SND1: variants seen among roughly 807,000 people sequenced by gnomAD.
The protein encoded by SND1 is staphylococcal nuclease domain-containing protein 1.
Under a neutral mutation model 121.7 loss-of-function variants are expected in SND1, and 38 were observed. That is an observed-to-expected ratio of 0.31 (90% CI 0.24 to 0.41). SND1 has a LOEUF of 0.41. Among genes scored for constraint, SND1 ranks in the 10% least tolerant of loss-of-function variants. SND1 has a pLI of 1.00. For missense variants in SND1, 868 were observed against 1,184.6 expected (o/e 0.73, Z 3.92); for synonymous variants, 401 against 447.4 (o/e 0.90, Z 1.31).
intron 16 of SND1, among the ~76,000 whole-genome samples, chr7:128,056,342 C>T (rs539077993): frequency 6.6e-6 from 1 of 152,214 alleles, no homozygotes; most frequent in African/African-American, 2.4e-5. Flanking sequence ...AATGAGCCAG[C>T]CTTTGCCCCA....
In SND1 at chr7:128,089,449, T is replaced by C. The variant is rs759174621; in HGVS notation, c.2419-40T>C. ...ACAGGAGCTGGGGCCCAAGTGGTTG[T>C]TCTCTGGCTTGCTCTGACCTGAGTG... On this transcript the variant is annotated intron_variant, in intron 21 of 23. Transcript: ENST00000354725. The C allele has an allele frequency of 1.9e-6, 3 of 1,568,108 alleles. No homozygotes were observed. In the African/African-American group the frequency reaches 4.0e-5, roughly 21 times the overall value.
intron 1 of SND1, among the ~76,000 whole-genome samples, chr7:127,685,326 C>T (rs1481507940): frequency 6.6e-6 from 1 of 152,170 alleles, no homozygotes; most frequent in Non-Finnish European, 1.5e-5. Context: ...AAGGATTATT[C>T]CTTTACTGAG....
chr7:127,672,237 T>C (rs1197551828), intron 1 of SND1, among the ~76,000 whole-genome samples: 1 of 152,138 alleles, frequency 6.6e-6, no homozygotes, highest in Non-Finnish European at 1.5e-5. Context: ...CATACTTTAA[T>C]ACTTCTAACT....
chr7:127,812,356 A>G (rs1026039919), intron 11 of SND1, among the ~76,000 whole-genome samples: 2 of 152,170 alleles, frequency 1.3e-5, no homozygotes, highest in Admixed American at 6.5e-5. Flanking sequence ...ACAGTATCTC[A>G]TTAGTCTTTG....
intron 1 of SND1, among the ~76,000 whole-genome samples, chr7:127,655,428 A>G (rs188142149): frequency 7.9e-5 from 12 of 152,324 alleles, no homozygotes; most frequent in Admixed American, 7.8e-4. Context: ...GTTCTGGAAT[A>G]TTTAAGGAGG....
intron 10 of SND1, among the ~76,000 whole-genome samples, chr7:127,722,552 AG>A (rs1796515418): frequency 6.6e-6 from 1 of 152,062 alleles, no homozygotes; most frequent in South Asian, 2.1e-4. Context: ...TTTTGTATAA[AG>A]GGATAACTAA....
At position 127,807,466 on chromosome 7, in the gene SND1, GTTTTA is replaced by G; in HGVS notation, c.1153-12_1153-8del. 1 of 1,591,574 alleles carries G rather than the reference GTTTTA, an allele frequency of 6.3e-7. No individual in the cohort carries two copies. The highest frequency in any genetic ancestry group is 8.6e-7 in the Non-Finnish European group (1 of 1,159,830). On this transcript the variant is annotated splice_polypyrimidine_tract_variant and intron_variant, in intron 10 of 23. Transcript: ENST00000354725. ...TGATATTGTTCATTCCTGATGTCAT[GTTTTA>G]TTTTACTTTTAGGATAAGAACAAGA...
At chr7:128,065,696 G>A (rs1793301264) in intron 16 of SND1, among the ~76,000 whole-genome samples, 1 of 152,230 alleles carries the variant, frequency 6.6e-6, no homozygotes. Flanking sequence ...CTGGGCCTGG[G>A]AGAACATGGG....
At chr7:128,088,303 T>A (rs1432432733) in intron 21 of SND1, among the ~76,000 whole-genome samples, 79 of 109,120 alleles carry the variant, frequency 7.2e-4, no homozygotes, top group African/African-American at 1.8e-3. Context: ...AAAAAAAAAA[T>A]AGCTGGGTGT....
chr7:128,040,579 T>C (rs924723312), intron 16 of SND1, among the ~76,000 whole-genome samples: 3 of 151,070 alleles, frequency 2.0e-5, no homozygotes, highest in African/African-American at 7.3e-5. Flanking sequence ...AATTTTAGCA[T>C]CTGTAAAGTG....
intron 16 of SND1, among the ~76,000 whole-genome samples, chr7:128,056,168 C>G (rs56081446): frequency 6.6e-6 from 1 of 152,284 alleles, no homozygotes; most frequent in Non-Finnish European, 1.5e-5. Context: ...AGTGTTAATT[C>G]TCTTCCTCTT....
chr7:127,792,949 A>G (rs1316353968), intron 10 of SND1, among the ~76,000 whole-genome samples: 2 of 152,216 alleles, frequency 1.3e-5, no homozygotes, highest in Non-Finnish European at 2.9e-5. Flanking sequence ...GGCAGAGCCT[A>G]AGGAAGCCAG....
At chr7:127,782,306 G>C (rs1323316473) in intron 10 of SND1, among the ~76,000 whole-genome samples, 1 of 152,218 alleles carries the variant, frequency 6.6e-6, no homozygotes, top group Non-Finnish European at 1.5e-5. Context: ...AATCACAATA[G>C]TGGTTTCTGT....
chr7:127,726,421 G>A (rs989780323), intron 10 of SND1, among the ~76,000 whole-genome samples: 11 of 152,236 alleles, frequency 7.2e-5, no homozygotes, highest in African/African-American at 1.9e-4. Flanking sequence ...GAAAGCTGAC[G>A]TGTGATGCTC....
At chr7:127,658,093 C>T (rs1457121977) in intron 1 of SND1, among the ~76,000 whole-genome samples, 1 of 152,104 alleles carries the variant, frequency 6.6e-6, no homozygotes, top group Admixed American at 6.5e-5. Flanking sequence ...AGGTGGATCA[C>T]CTGAGGTCAG....
At chr7:127,910,209 G>A (rs1158224530) in intron 14 of SND1, among the ~76,000 whole-genome samples, 4 of 152,218 alleles carry the variant, frequency 2.6e-5, no homozygotes, top group African/African-American at 4.8e-5. Context: ...GGAGGCTGAG[G>A]TGGGCGGATC....
chr7:127,834,378 T>C (rs1249857739), intron 11 of SND1, among the ~76,000 whole-genome samples: 1 of 152,214 alleles, frequency 6.6e-6, no homozygotes, highest in Non-Finnish European at 1.5e-5. Flanking sequence ...ACTGCCCAGT[T>C]TGTGAATGTG....
intron 16 of SND1, among the ~76,000 whole-genome samples, chr7:128,063,428 A>G (rs1424777950): frequency 2.0e-5 from 3 of 152,198 alleles, no homozygotes; most frequent in African/African-American, 7.2e-5. Context: ...GGGTCCCACA[A>G]GCATGCTTGT....
intron 10 of SND1, among the ~76,000 whole-genome samples, chr7:127,789,001 T>G (rs552216773): frequency 1.9e-4 from 29 of 152,246 alleles, no homozygotes; most frequent in Non-Finnish European, 3.5e-4. Flanking sequence ...TGTTAAGCTG[T>G]GCCTTCTAAT....
Sources: gnomAD v4.1 joint callset for allele counts (sites outside exome capture counted in the v4.1 genomes callset) on GRCh38, gnomAD v4.1.1 for gene constraint, MANE v1.5 for transcripts, NCBI Gene and HGNC (gene_info 2026-07-23, HGNC 2026-07-21) for gene names.